Variants in KCNT2 observed in about 807,000 individuals in gnomAD.
KCNT2 encodes the protein potassium sodium-activated channel subfamily T member 2, also known as potassium channel subfamily T member 2.
KCNT2 carries 67 observed loss-of-function variants against 153.8 expected under a neutral mutation model. The observed-to-expected ratio is 0.44, with a 90% CI of 0.36 to 0.53. The LOEUF is 0.53. KCNT2 is among the 20% of genes least tolerant of loss of function. The pLI is 0.00. For synonymous variants in KCNT2, 500 were observed against 458.8 expected (o/e 1.09, Z -1.15); for missense variants, 975 against 1,354.8 (o/e 0.72, Z 4.40).
chr1:196,478,487 G>A (rs1678725477), intron 5 of KCNT2, among the ~76,000 whole-genome samples: 1 of 152,036 alleles, frequency 6.6e-6, no homozygotes, highest in East Asian at 1.9e-4. Flanking sequence ...CTTCCTTTAT[G>A]CCTTTGCTAA....
At chr1:196,257,475 C>A (rs548237233) in intron 26 of KCNT2, 2 of 977,234 alleles carry the variant, frequency 2.0e-6, no homozygotes, top group Admixed American at 1.2e-4. Context: ...TATTTATATA[C>A]GTAAAATAAA....
chr1:196,246,014 A>T (rs746854445), intron 26 of KCNT2, among the ~76,000 whole-genome samples: 73 of 152,170 alleles, frequency 4.8e-4, no homozygotes, highest in Admixed American at 2.0e-4. Flanking sequence ...CATCAAGCAG[A>T]TTAATCAAAA....
intron 12 of KCNT2, among the ~76,000 whole-genome samples, chr1:196,421,261 G>T (rs1045765383): frequency 6.6e-6 from 1 of 152,056 alleles, no homozygotes; most frequent in Admixed American, 6.6e-5. Context: ...AAAAGAGAAT[G>T]CATTTGATTA....
intron 21 of KCNT2, 84 bp from the exon 22 acceptor site, chr1:196,305,429 C>T: frequency 1.4e-6 from 1 of 737,542 alleles, no homozygotes; most frequent in Non-Finnish European, 2.4e-6. Context: ...TGAGTGATTC[C>T]TAGCCTTGGG....
At chr1:196,411,025 T>G (rs1572355970) in intron 12 of KCNT2, among the ~76,000 whole-genome samples, 1 of 123,144 alleles carries the variant, frequency 8.1e-6, no homozygotes. Flanking sequence ...CTCCCTCCCT[T>G]CCCACCTTCC....
In KCNT2 at chr1:196,490,958, AG is replaced by A. The variant is rs530903023; in HGVS notation, c.176-1022del. ...GTGGTAACAGTTCTTACCAGTAAAA[AG>A]GTCGATGCTTATCATTTGTGAAATT... On this transcript the variant is annotated intron_variant, in intron 2 of 27. Coordinates refer to ENST00000294725, the MANE Select transcript of KCNT2 (RefSeq NM_198503.5). 5.4e-4 allele frequency among the ~76,000 whole-genome samples: 82 copies of A among 152,104 alleles called. 1 individual carries two copies. The highest frequency in any genetic ancestry group is 1.9e-3 in the African/African-American group (79 of 41,542).
At chr1:196,603,490 G>A (rs1664978418) in intron 1 of KCNT2, among the ~76,000 whole-genome samples, 1 of 152,094 alleles carries the variant, frequency 6.6e-6, no homozygotes, top group South Asian at 2.1e-4. Context: ...ATTATGTAAA[G>A]CAATATATTT....
intron 12 of KCNT2, among the ~76,000 whole-genome samples, chr1:196,411,551 G>T (rs935183804): frequency 2.1e-5 from 3 of 144,654 alleles, no homozygotes; most frequent in Non-Finnish European, 4.5e-5. Flanking sequence ...TCAATTTCTT[G>T]TAACAATGTT....
chr1:196,557,046 GT>G (rs1658769732), intron 1 of KCNT2, among the ~76,000 whole-genome samples: 2 of 150,948 alleles, frequency 1.3e-5, no homozygotes, highest in African/African-American at 4.8e-5. Flanking sequence ...AAAATATAGA[GT>G]TAGGAAAAAT....
At chr1:196,240,162 A>T in intron 26 of KCNT2, among the ~76,000 whole-genome samples, 1 of 152,020 alleles carries the variant, frequency 6.6e-6, no homozygotes, top group East Asian at 1.9e-4. Flanking sequence ...TCAGAGGAAC[A>T]TTCTATATAA....
At chr1:196,464,785 T>C (rs1677464447) in intron 8 of KCNT2, among the ~76,000 whole-genome samples, 1 of 151,940 alleles carries the variant, frequency 6.6e-6, no homozygotes, top group South Asian at 2.1e-4. Context: ...AAAGCATATT[T>C]TATATGTTTT....
intron 1 of KCNT2, among the ~76,000 whole-genome samples, chr1:196,570,067 TAAAAAA>T (rs199836975): frequency 6.7e-5 from 9 of 133,742 alleles, no homozygotes; most frequent in South Asian, 4.4e-4. Flanking sequence ...TGAGCTAGAG[TAAAAAA>T]AAAAAAAAAA....
intron 23 of KCNT2, among the ~76,000 whole-genome samples, chr1:196,282,900 A>T (rs1250227350): frequency 1.3e-5 from 2 of 152,158 alleles, no homozygotes; most frequent in Non-Finnish European, 2.9e-5. Context: ...GCTGGAGTGC[A>T]GTGGCATGAT....
At chr1:196,328,751 A>G (rs1036988844) in intron 18 of KCNT2, among the ~76,000 whole-genome samples, 2 of 152,076 alleles carry the variant, frequency 1.3e-5, no homozygotes, top group Admixed American at 6.6e-5. Flanking sequence ...TTCTCCACCA[A>G]TAGAATCTCC....
At chr1:196,346,352 A>C (rs997983110) in intron 14 of KCNT2, among the ~76,000 whole-genome samples, 1 of 152,142 alleles carries the variant, frequency 6.6e-6, no homozygotes, top group Non-Finnish European at 1.5e-5. Context: ...TATTGAATTT[A>C]GCTTTTTTGA....
chr1:196,299,001 AC>A (rs1660930738), intron 22 of KCNT2, among the ~76,000 whole-genome samples: 1 of 151,810 alleles, frequency 6.6e-6, no homozygotes, highest in Admixed American at 6.6e-5. Context: ...TGTGATTATG[AC>A]CATCATTTGG....
intron 26 of KCNT2, among the ~76,000 whole-genome samples, chr1:196,250,693 A>G (rs1655885272): frequency 6.6e-6 from 1 of 152,168 alleles, no homozygotes; most frequent in African/African-American, 2.4e-5. Context: ...ACAACCCACA[A>G]TATGGGAGAA....
intron 8 of KCNT2, among the ~76,000 whole-genome samples, chr1:196,432,701 T>C (rs1313668305): frequency 6.6e-6 from 1 of 152,130 alleles, no homozygotes; most frequent in African/African-American, 2.4e-5. Flanking sequence ...CAAAACTTGT[T>C]TAATTTCACA....
At chr1:196,297,875 T>C (rs1336436674) in intron 22 of KCNT2, among the ~76,000 whole-genome samples, 1 of 152,160 alleles carries the variant, frequency 6.6e-6, no homozygotes, top group Non-Finnish European at 1.5e-5. Flanking sequence ...ACCCATCATA[T>C]TATAAATTCT....
Sources: allele counts gnomAD v4.1 joint callset (sites outside exome capture counted in the v4.1 genomes callset), GRCh38; gene constraint gnomAD v4.1.1; transcripts MANE v1.5; gene names NCBI Gene and HGNC (gene_info 2026-07-23, HGNC 2026-07-21).